The following PCDHA7 variants were observed in gnomAD, a reference collection of about 807,000 sequenced individuals.
PCDHA7 encodes the protein protocadherin alpha 7, also known as protocadherin alpha-7.
In PCDHA7, 37 loss-of-function variants were observed where a neutral mutation model predicts 57.2. The ratio of observed to expected loss-of-function variants is 0.65; its 90% CI spans 0.50 to 0.85. PCDHA7 has a LOEUF of 0.85. PCDHA7 is among the 40% of genes least tolerant of loss of function. The pLI is 0.00. For synonymous variants in PCDHA7, 553 were observed against 558.8 expected, an observed-to-expected ratio of 0.99 and a Z score of 0.15; for missense variants, 1,188 against 1,241.8, an observed-to-expected ratio of 0.96 and a Z score of 0.65.
intron 1 of PCDHA7, chr5:140,866,748 C>CT (rs2049539198): frequency 6.6e-6 from 1 of 152,148 alleles, no homozygotes; most frequent in Non-Finnish European, 1.5e-5. Context: ...ACTTATATGA[C>CT]TAACAGGACA....
chr5:140,834,297 C>A lies in PCDHA7; in HGVS notation c.-87C>A. 8.0e-7 allele frequency: 1 copy of A among 1,251,394 alleles called. No individual in the cohort carries two copies. Among genetic ancestry groups the A allele is most frequent in the Non-Finnish European group, 1.1e-6 (1 of 891,366 alleles). The allele number at this position is 1,251,394 out of a possible 1,614,324, so 77.5% of individuals were successfully genotyped here. ...CTTTGGATGCACAACAATGGCCACA[C>A]ATCGAGATTGAAATGAAGGGATAAA... is the stretch of plus-strand genomic sequence containing the variant. On this transcript the variant is annotated 5_prime_UTR_variant, in exon 1 of 4. Coordinates refer to ENST00000525929, the MANE Select transcript of PCDHA7 (RefSeq NM_018910.3).
intron 1 of PCDHA7, chr5:140,862,866 GC>G (rs11321479): frequency 0.66 from 374,898 of 571,004 alleles, 123,608 homozygotes; most frequent in Middle Eastern, 0.71. Context: ...ATGTGACGCT[GC>G]CAGGTATTAG....
chr5:140,861,736 A>G (rs1380894393), intron 1 of PCDHA7: 2 of 188,606 alleles, frequency 1.1e-5, no homozygotes, highest in Non-Finnish European at 1.1e-5. Context: ...TGACTTACAT[A>G]CTGTGCCGCA....
intron 1 of PCDHA7, chr5:140,966,759 C>G: frequency 6.9e-7 from 1 of 1,447,012 alleles, no homozygotes; most frequent in Non-Finnish European, 9.1e-7. Context: ...CCGCCGCGGC[C>G]AGTGGCTATG....
At chr5:140,985,148 A>G (rs2097138818) in intron 3 of PCDHA7, among the ~76,000 whole-genome samples, 1 of 152,192 alleles carries the variant, frequency 6.6e-6, no homozygotes, top group South Asian at 2.1e-4. Context: ...CGTGTTAGCC[A>G]GGATTGTCTC....
At chr5:140,869,084 G>A (rs2050835199) in intron 1 of PCDHA7, 1 of 1,583,106 alleles carries the variant, frequency 6.3e-7, no homozygotes, top group African/African-American at 1.4e-5. Context: ...AGCTTATTTT[G>A]GAAGCCAATT....
At chr5:140,925,690 G>GT (rs2082677818) in intron 1 of PCDHA7, among the ~76,000 whole-genome samples, 1 of 149,642 alleles carries the variant, frequency 6.7e-6, no homozygotes, top group African/African-American at 2.5e-5. Flanking sequence ...GCGAGGGTGG[G>GT]TATCTAGCCT....
In PCDHA7 at chr5:140,847,559, GC is replaced by G. The variant is rs150732093; in HGVS notation, c.2355+10825del. 4.7e-5 allele frequency: 7 copies of G among 149,276 alleles called. No individual in the cohort carries two copies. In the East Asian group the frequency reaches 1.4e-3, roughly 29 times the overall value. The allele number at this position is 149,276 out of a possible 1,614,324, so 9.2% of individuals were successfully genotyped here. A position where few individuals can be genotyped will look rare whatever the true frequency, so the allele number is the denominator to read the frequency against. On this transcript the variant is annotated intron_variant, in intron 1 of 3. Coordinates refer to ENST00000525929, the MANE Select transcript of PCDHA7 (RefSeq NM_018910.3). ...AAGCATAGCTTTAAAAACAGAAATT[GC>G]CCCGAGTACTAAGGATGAGCAATAA...
chr5:140,954,777 T>C (rs1563274185), intron 1 of PCDHA7, among the ~76,000 whole-genome samples: 1 of 152,214 alleles, frequency 6.6e-6, no homozygotes, highest in African/African-American at 2.4e-5. Flanking sequence ...TTAATTTAAT[T>C]AGATCTCATT....
At chr5:140,934,363 T>C (rs1354531260) in intron 1 of PCDHA7, among the ~76,000 whole-genome samples, 3 of 152,170 alleles carry the variant, frequency 2.0e-5, no homozygotes, top group African/African-American at 7.2e-5. Context: ...GCCACTGCTT[T>C]GACTCCTTCT....
At chr5:140,842,748 C>A in intron 1 of PCDHA7, 1 of 1,595,020 alleles carries the variant, frequency 6.3e-7, no homozygotes, top group Non-Finnish European at 8.6e-7. Flanking sequence ...CACATCTTCA[C>A]GGTGTCTGCG....
chr5:140,864,821 G>A (rs575763318), intron 1 of PCDHA7: 20 of 152,124 alleles, frequency 1.3e-4, no homozygotes, highest in Middle Eastern at 3.4e-3. Flanking sequence ...CACTTATTTG[G>A]GCTTTAAGTA....
chr5:140,947,585 G>C (rs773594834), intron 1 of PCDHA7, among the ~76,000 whole-genome samples: 5 of 151,544 alleles, frequency 3.3e-5, no homozygotes, highest in Non-Finnish European at 3.0e-5. Context: ...TTAACATTTA[G>C]ATCAATTTAG....
Position 140,871,201 on chromosome 5 carries a change from A to G in PCDHA7, c.2355+34463A>G, listed in dbSNP as rs561860727. ...GCTGGTGGATGTCAACGTGTACCTGATCATCGCCATCTGCGTGGTGTCCAG... is the reference window on the plus strand; with the variant it reads ...GCTGGTGGATGTCAACGTGTACCTGGTCATCGCCATCTGCGTGGTGTCCAG... On this transcript the variant is annotated intron_variant, in intron 1 of 3. Coordinates refer to ENST00000525929, the MANE Select transcript of PCDHA7 (RefSeq NM_018910.3). The G allele has an allele frequency of 3.3e-5, 54 of 1,613,672 alleles. 1 individual carries two copies. The Admixed American group carries it at 7.2e-4, about 21-fold the overall frequency.
intron 1 of PCDHA7, chr5:140,930,379 G>A (rs1249793792): frequency 1.3e-5 from 2 of 151,896 alleles, no homozygotes; most frequent in African/African-American, 2.4e-5. Context: ...GTGGCCCTTG[G>A]CATTTCAAAA....
intron 1 of PCDHA7, chr5:140,877,256 G>A (rs782364296): frequency 6.2e-7 from 1 of 1,613,628 alleles, no homozygotes; most frequent in African/African-American, 1.3e-5. Flanking sequence ...GCGAAAGTGC[G>A]CGCGGTGGAC....
In PCDHA7 at chr5:140,857,190, A is replaced by C. The variant is rs782160902; in HGVS notation, c.2355+20452A>C. The C allele has an allele frequency of 1.3e-5, 21 of 1,598,418 alleles. 2 individuals are homozygous for C. Among genetic ancestry groups the C allele is most frequent in the Non-Finnish European group, 8.6e-7 (1 of 1,167,936 alleles). On this transcript the variant is annotated intron_variant, in intron 1 of 3. Coordinates refer to ENST00000525929, the MANE Select transcript of PCDHA7 (RefSeq NM_018910.3). Reference sequence around the variant, plus strand: ...GTTTCTGACCATGATTCAGGAGCCAACGGACAGGTCACCTGCTCTCTGACG... The same window carrying C: ...GTTTCTGACCATGATTCAGGAGCCACCGGACAGGTCACCTGCTCTCTGACG...
intron 1 of PCDHA7, among the ~76,000 whole-genome samples, chr5:140,901,442 T>G (rs1490397176): frequency 6.6e-6 from 1 of 152,206 alleles, no homozygotes; most frequent in Non-Finnish European, 1.5e-5. Flanking sequence ...GATATCTAGT[T>G]TCCCAGCACA....
chr5:140,885,391 T>G, intron 1 of PCDHA7, among the ~76,000 whole-genome samples: 1 of 152,112 alleles, frequency 6.6e-6, no homozygotes, highest in East Asian at 1.9e-4. Context: ...TCCCTGCAAA[T>G]CTAATGGTTT....
Sources: gnomAD v4.1 joint callset for allele counts (sites outside exome capture counted in the v4.1 genomes callset) on GRCh38, gnomAD v4.1.1 for gene constraint, MANE v1.5 for transcripts, NCBI Gene and HGNC (gene_info 2026-07-23, HGNC 2026-07-21) for gene names.